SLCO1B3: variants seen among roughly 807,000 people sequenced by gnomAD.
SLCO1B3 encodes the protein solute carrier organic anion transporter family member 1B3.
In SLCO1B3, 72 loss-of-function variants were observed where a neutral mutation model predicts 71.8. That is an observed-to-expected ratio of 1.00 (90% CI 0.83 to 1.22). The LOEUF (loss-of-function observed/expected upper bound fraction) is 1.22, where lower values mean the gene tolerates loss of function less well. Among genes scored for constraint, SLCO1B3 ranks in the 50% most tolerant of loss-of-function variants. The pLI is 0.00. For synonymous variants in SLCO1B3, 298 were observed against 278.4 expected (o/e 1.07, Z -0.70); for missense variants, 911 against 819.7 (o/e 1.11, Z -1.36).
chr12:20,889,453 T>C (rs968712852), intron 13 of SLCO1B3, among the ~76,000 whole-genome samples: 2 of 152,136 alleles, frequency 1.3e-5, no homozygotes, highest in African/African-American at 4.8e-5. Context: ...TCCAGGAATT[T>C]ATCCATTTCC....
chr12:20,903,633 C>A (rs1432680551), intron 15 of SLCO1B3, among the ~76,000 whole-genome samples: 1 of 152,014 alleles, frequency 6.6e-6, no homozygotes, highest in Admixed American at 6.6e-5. Context: ...AACCACCAGA[C>A]CTCATGAGAA....
intron 13 of SLCO1B3, among the ~76,000 whole-genome samples, chr12:20,884,780 A>T (rs1189130191): frequency 2.0e-5 from 3 of 152,028 alleles, no homozygotes; most frequent in African/African-American, 7.2e-5. Context: ...TAGAAAAAAA[A>T]AAAGCAACCA....
At chr12:20,901,518 T>A in intron 15 of SLCO1B3, 51 bp downstream of exon 15, 1 of 949,978 alleles carries the variant, frequency 1.1e-6, no homozygotes, top group Non-Finnish European at 1.6e-6. Flanking sequence ...TTGTCTATGT[T>A]AATGTCTAAG....
chr12:20,886,841 G>C (rs564794045), intron 13 of SLCO1B3, among the ~76,000 whole-genome samples: 3 of 151,848 alleles, frequency 2.0e-5, no homozygotes, highest in African/African-American at 7.3e-5. Context: ...ATATTCAATA[G>C]GTAGTATTTC....
chr12:20,838,747 A>G (rs975706), intron 3 of SLCO1B3, among the ~76,000 whole-genome samples: 109,882 of 151,854 alleles, frequency 0.72, 42,326 homozygotes, highest in South Asian at 0.88. Context: ...TGGGACCACT[A>G]TCATATATGC....
chr12:20,822,504 C>T (rs1323397526), intron 3 of SLCO1B3, among the ~76,000 whole-genome samples: 4 of 151,988 alleles, frequency 2.6e-5, no homozygotes, highest in Admixed American at 6.6e-5. Context: ...TCAGTTAAGG[C>T]GGGGCAGGGC....
chr12:20,811,776 G>A (rs1359153777), intron 1 of SLCO1B3, among the ~76,000 whole-genome samples: 2 of 152,094 alleles, frequency 1.3e-5, no homozygotes, highest in African/African-American at 2.4e-5. Context: ...GAAATAATAT[G>A]TTCAGAGCAA....
rs1297703814 is a variant in SLCO1B3, at chr12:20,814,976, C to CTTTTT, written c.-65-694_-65-693insTTTTT. Among the ~76,000 whole-genome samples, 58 of 117,064 alleles carry CTTTTT rather than the reference C, an allele frequency of 5.0e-4. No homozygotes were observed. The East Asian group carries it at 5.5e-3, about 11-fold the overall frequency. The allele number at this position is 117,064 out of a possible 152,430, so 76.8% of individuals were successfully genotyped here. On this transcript the variant is annotated intron_variant, in intron 2 of 15. Coordinates refer to ENST00000381545, the MANE Select transcript of SLCO1B3 (RefSeq NM_019844.4). ...TAAGCAGAATCTTGCCTTTTCTTTT[C>CTTTTT]TTTTCTTTTTTTTTTTTTTTGCATT...
Position 20,861,229 on chromosome 12 carries a change from T to A in SLCO1B3, c.481+91T>A, listed in dbSNP as rs3764007. The stretch of plus-strand genomic sequence containing the variant: ...TCTGATATTCTTTAACAAAATTGAT[T>A]TAAGAACAAATAGGAAGAACATTTA... On this transcript the variant is annotated intron_variant, in intron 6 of 15. Coordinates refer to ENST00000381545, the MANE Select transcript of SLCO1B3 (RefSeq NM_019844.4). 0.82 allele frequency: 957,234 copies of A among 1,166,428 alleles called. 399,503 individuals are homozygous for A. The highest frequency in any genetic ancestry group is 0.91 in the South Asian group (56,059 of 61,870). 72.3% of individuals were successfully genotyped at this position (1,166,428 alleles called of 1,614,324 possible).
intron 13 of SLCO1B3, among the ~76,000 whole-genome samples, chr12:20,889,294 G>T (rs556503507): frequency 6.6e-6 from 1 of 151,780 alleles, no homozygotes; most frequent in African/African-American, 2.4e-5. Context: ...TTCCTTTTTG[G>T]TTTGGTAGAA....
intron 3 of SLCO1B3, among the ~76,000 whole-genome samples, chr12:20,840,055 G>A (rs1864763441): frequency 6.6e-6 from 1 of 152,046 alleles, no homozygotes; most frequent in Non-Finnish European, 1.5e-5. Flanking sequence ...ATCTGTTCTT[G>A]CATACTGTCT....
At chr12:20,857,294 C>T (rs1181118216) in intron 4 of SLCO1B3, among the ~76,000 whole-genome samples, 2 of 152,024 alleles carry the variant, frequency 1.3e-5, no homozygotes, top group Admixed American at 1.3e-4. Flanking sequence ...CATATGAAAG[C>T]TTACGTCTTC....
In SLCO1B3 at chr12:20,898,459, C is replaced by A. The variant is rs1307282619; in HGVS notation, c.1706C>A (p.Ala569Glu). Residue 569 changes from alanine to glutamate, a missense_variant, in exon 14 of 16, where the codon GCA (alanine) becomes GAA (glutamate). Transcript: ENST00000381545. The stretch of plus-strand genomic sequence containing the variant: ...AGGATTGTTCAACCTGAATTGAAAG[C>A]ACTTGCAATGGGTTTCCAGTCAATG... Reference protein sequence around the residue: ...TVKIVQPELKALAMGFQSMVI... With the variant: ...TVKIVQPELKELAMGFQSMVI... 2.3e-5 allele frequency: 37 copies of A among 1,598,420 alleles called. No individual in the cohort carries two copies. The highest frequency in any genetic ancestry group is 3.1e-5 in the Non-Finnish European group (36 of 1,168,532).
chr12:20,811,846 A>G (rs2121057046), intron 1 of SLCO1B3, among the ~76,000 whole-genome samples: 1 of 151,338 alleles, frequency 6.6e-6, no homozygotes, highest in East Asian at 1.9e-4. Flanking sequence ...AAAGTGTGGT[A>G]TTTATTCAAG....
chr12:20,849,401 C>G (rs1476861006), intron 3 of SLCO1B3, among the ~76,000 whole-genome samples: 1 of 151,952 alleles, frequency 6.6e-6, no homozygotes, highest in Non-Finnish European at 1.5e-5. Context: ...AGGGACCTCT[C>G]TCAACATGAT....
intron 9 of SLCO1B3, among the ~76,000 whole-genome samples, chr12:20,876,070 ATTAAT>A (rs1247582699): frequency 7.0e-6 from 1 of 142,368 alleles, no homozygotes; most frequent in Non-Finnish European, 1.5e-5. Context: ...ATCTTATTAA[ATTAAT>A]TTTTATATAT....
intron 5 of SLCO1B3, among the ~76,000 whole-genome samples, chr12:20,859,785 G>A (rs796777385): frequency 1.7e-4 from 26 of 152,052 alleles, no homozygotes; most frequent in African/African-American, 5.5e-4. Context: ...TCTCTAATGT[G>A]CCATAATATG....
At chr12:20,861,520 A>G (rs1017501893) in intron 6 of SLCO1B3, among the ~76,000 whole-genome samples, 1 of 152,190 alleles carries the variant, frequency 6.6e-6, no homozygotes, top group Non-Finnish European at 1.5e-5. Flanking sequence ...TACCAAGGGC[A>G]TTTAGAAGTA....
intron 15 of SLCO1B3, among the ~76,000 whole-genome samples, chr12:20,911,579 T>A (rs1866376880): frequency 1.3e-5 from 2 of 152,204 alleles, no homozygotes; most frequent in Admixed American, 6.5e-5. Context: ...TGGTGTTTTC[T>A]GCTTTAGAAG....
Sources: gnomAD v4.1 joint callset for allele counts (sites outside exome capture counted in the v4.1 genomes callset) on GRCh38, gnomAD v4.1.1 for gene constraint, MANE v1.5 for transcripts, NCBI Gene and HGNC (gene_info 2026-07-23, HGNC 2026-07-21) for gene names.